The following STK39 variants were observed in gnomAD, a reference collection of about 807,000 sequenced individuals.
STK39 encodes the protein STE20/SPS1-related proline-alanine-rich protein kinase.
Under a neutral mutation model 77.8 loss-of-function variants are expected in STK39, and 20 were observed. That is an observed-to-expected ratio of 0.26 (90% CI 0.18 to 0.37). The LOEUF (loss-of-function observed/expected upper bound fraction) is 0.37. Among genes scored for constraint, STK39 ranks in the 10% least tolerant of loss-of-function variants. The pLI is 1.00. For missense variants in STK39, 479 were observed against 656.5 expected, an observed-to-expected ratio of 0.73 and a Z score of 2.95; for synonymous variants, 246 against 234.1, an observed-to-expected ratio of 1.05 and a Z score of -0.47.
intron 1 of STK39, among the ~76,000 whole-genome samples, chr2:168,230,354 T>A (rs1690423030): frequency 1.3e-5 from 2 of 152,144 alleles, no homozygotes; most frequent in Non-Finnish European, 2.9e-5. Context: ...CCCACTATCT[T>A]AGAACACTGC....
intron 8 of STK39, among the ~76,000 whole-genome samples, chr2:168,133,145 T>G (rs1372720188): frequency 6.6e-6 from 1 of 152,082 alleles, no homozygotes; most frequent in East Asian, 1.9e-4. Flanking sequence ...AAGGGTCAAG[T>G]GTAGGATGCT....
At chr2:167,980,522 C>G (rs746236241) in intron 16 of STK39, among the ~76,000 whole-genome samples, 2 of 152,154 alleles carry the variant, frequency 1.3e-5, no homozygotes, top group Non-Finnish European at 2.9e-5. Context: ...ATGAGGAATG[C>G]TACCTAAATT....
At chr2:168,089,996 T>G (rs1183167959) in intron 10 of STK39, among the ~76,000 whole-genome samples, 1 of 152,256 alleles carries the variant, frequency 6.6e-6, no homozygotes, top group Admixed American at 6.5e-5. Flanking sequence ...AGTTTTTGAA[T>G]GCATAGTAAT....
At chr2:168,161,081 C>A (rs1037772070) in intron 5 of STK39, among the ~76,000 whole-genome samples, 12 of 152,046 alleles carry the variant, frequency 7.9e-5, no homozygotes, top group African/African-American at 2.9e-4. Flanking sequence ...GACTGTCTAG[C>A]CAAAAAATGC....
At chr2:168,046,374 A>AAAACAAAC (rs377383582) in intron 14 of STK39, among the ~76,000 whole-genome samples, 9 of 151,738 alleles carry the variant, frequency 5.9e-5, no homozygotes, top group African/African-American at 7.3e-5. Context: ...TCTCAAAAAC[A>AAAACAAAC]AAACAAACAA....
intron 16 of STK39, among the ~76,000 whole-genome samples, chr2:167,981,707 A>G (rs1336230877): frequency 6.6e-6 from 1 of 152,200 alleles, no homozygotes; most frequent in Non-Finnish European, 1.5e-5. Flanking sequence ...GGTTTGGCGG[A>G]CTTTTACTTT....
At chr2:168,123,872 C>A (rs1262907752) in intron 10 of STK39, among the ~76,000 whole-genome samples, 946 of 119,300 alleles carry the variant, frequency 7.9e-3, no homozygotes, top group Non-Finnish European at 9.7e-3. Flanking sequence ...GATTCCATCT[C>A]AAAAAAAAAA....
intron 10 of STK39, among the ~76,000 whole-genome samples, chr2:168,111,256 A>ACTTCCTTCC (rs1559102306): frequency 6.6e-6 from 1 of 151,966 alleles, no homozygotes; most frequent in Non-Finnish European, 1.5e-5. Flanking sequence ...ACCTTTATCA[A>ACTTCCTTCC]CTTCCTTCCA....
Position 168,060,172 on chromosome 2 carries a change from T to C in STK39, c.1376+3328A>G, listed in dbSNP as rs371296343. Among the ~76,000 whole-genome samples the C allele has an allele frequency of 3.9e-5, 6 of 151,990 alleles. No homozygotes were observed. The South Asian group carries it at 1.2e-3, about 32-fold the overall frequency. On this transcript the variant is annotated intron_variant, in intron 14 of 17. Coordinates refer to ENST00000355999, the MANE Select transcript of STK39 (RefSeq NM_013233.3). ...CCAACAATAATTTCTCAGAGATTCA[T>C]GAGTTCACAAATATGAAAAGTAATA...
At chr2:168,080,985 T>C (rs1360880347) in intron 10 of STK39, among the ~76,000 whole-genome samples, 1 of 152,206 alleles carries the variant, frequency 6.6e-6, no homozygotes, top group Non-Finnish European at 1.5e-5. Context: ...GGAGGATATA[T>C]GGAAACACCT....
At chr2:168,066,658 C>T (rs1248950961) in intron 12 of STK39, among the ~76,000 whole-genome samples, 2 of 152,230 alleles carry the variant, frequency 1.3e-5, no homozygotes. Context: ...GAGGTGAAAA[C>T]TTCTCTTTCC....
intron 10 of STK39, among the ~76,000 whole-genome samples, chr2:168,113,375 T>C (rs1299773769): frequency 6.6e-6 from 1 of 152,102 alleles, no homozygotes; most frequent in Non-Finnish European, 1.5e-5. Context: ...CAGATAAATA[T>C]TGCAGCTCTG....
rs1342481823 is a variant in STK39 at position 168,242,556 on chromosome 2, AAAAAATATATATATATAT to A, written c.208+4654_208+4671del. Among the ~76,000 whole-genome samples, 42 of 59,998 alleles carry A rather than the reference AAAAAATATATATATATAT, an allele frequency of 7.0e-4. 5 individuals carry two copies. The highest frequency in any genetic ancestry group is 1.2e-3 in the East Asian group (2 of 1,720). 39.4% of individuals were successfully genotyped at this position (59,998 alleles called of 152,430 possible). On this transcript the variant is annotated intron_variant, in intron 1 of 17. Coordinates refer to ENST00000355999, the MANE Select transcript of STK39 (RefSeq NM_013233.3). ...AGAGCAAGACTCTTACAAAAAAAAA[AAAAAATATATATATATAT>A]ATATATATATATATATATATATAAA...
intron 2 of STK39, among the ~76,000 whole-genome samples, chr2:168,178,903 CTG>C: frequency 6.6e-6 from 1 of 152,116 alleles, no homozygotes; most frequent in Admixed American, 6.5e-5. Flanking sequence ...CAATTCTGAC[CTG>C]TGTGTGTAAA....
chr2:167,956,191 C>G (rs959179081), intron 17 of STK39, among the ~76,000 whole-genome samples: 5 of 152,164 alleles, frequency 3.3e-5, no homozygotes, highest in African/African-American at 9.7e-5. Flanking sequence ...TATTAATTGC[C>G]TAAAATTGGC....
chr2:168,219,880 T>G (rs10164740), intron 1 of STK39, among the ~76,000 whole-genome samples: 2 of 149,922 alleles, frequency 1.3e-5, no homozygotes, highest in South Asian at 4.2e-4. Flanking sequence ...TTTTTTTTTT[T>G]TTTTTGCAAA....
intron 16 of STK39, among the ~76,000 whole-genome samples, chr2:167,985,097 A>C (rs1403254071): frequency 6.6e-6 from 1 of 152,234 alleles, no homozygotes; most frequent in Non-Finnish European, 1.5e-5. Flanking sequence ...GAATGCAACT[A>C]ACCATATGTA....
At position 168,143,479 on chromosome 2, in the gene STK39, A is replaced by C. The variant is rs190783314; in HGVS notation, c.629-2721T>G. On this transcript the variant is annotated intron_variant, in intron 5 of 17. Coordinates refer to ENST00000355999, the MANE Select transcript of STK39 (RefSeq NM_013233.3). The stretch of plus-strand genomic sequence containing the variant: ...TGTAACCCCAGCACTTTGGGAGGCC[A>C]ATGCAAGTGGATCACGAGGTCAGGA... Among the ~76,000 whole-genome samples, 3 of 152,294 alleles carry C rather than the reference A, an allele frequency of 2.0e-5. No individual in the cohort carries two copies. In the East Asian group the frequency reaches 5.8e-4, roughly 29 times the overall value.
intron 10 of STK39, among the ~76,000 whole-genome samples, chr2:168,121,803 C>T (rs896688554): frequency 2.6e-5 from 4 of 152,194 alleles, no homozygotes; most frequent in East Asian, 3.9e-4. Context: ...GTGTCAAACA[C>T]GGCACCAGAC....
Sources: gnomAD v4.1 joint callset for allele counts (sites outside exome capture counted in the v4.1 genomes callset) on GRCh38, gnomAD v4.1.1 for gene constraint, MANE v1.5 for transcripts, NCBI Gene and HGNC (gene_info 2026-07-23, HGNC 2026-07-21) for gene names.